Variants in CTNNA2 observed in about 807,000 individuals in gnomAD.
CTNNA2 encodes catenin alpha-2.
In CTNNA2, 42 loss-of-function variants were observed where a neutral mutation model predicts 101.0. That is an observed-to-expected ratio of 0.42 (90% CI 0.32 to 0.54). CTNNA2 has a LOEUF of 0.54. Ranked by LOEUF, CTNNA2 falls within the 20% of genes least tolerant of loss-of-function variation. CTNNA2 has a pLI of 0.14. For synonymous variants in CTNNA2, 450 were observed against 456.4 expected, an observed-to-expected ratio of 0.99 and a Z score of 0.18; for missense variants, 871 against 1,223.1, an observed-to-expected ratio of 0.71 and a Z score of 4.29.
chr2:80,178,724 A>G (rs192603776), intron 7 of CTNNA2, among the ~76,000 whole-genome samples: 2 of 152,236 alleles, frequency 1.3e-5, no homozygotes, highest in Non-Finnish European at 2.9e-5. Flanking sequence ...AAATAGACCC[A>G]CTTAGCATTG....
At chr2:79,864,503 T>G (rs1681875317) in intron 4 of CTNNA2, among the ~76,000 whole-genome samples, 1 of 152,134 alleles carries the variant, frequency 6.6e-6, no homozygotes, top group Non-Finnish European at 1.5e-5. Flanking sequence ...TTGATTCAGA[T>G]TAGTGATTTA....
chr2:80,509,838 TG>T, intron 9 of CTNNA2, among the ~76,000 whole-genome samples: 1 of 152,180 alleles, frequency 6.6e-6, no homozygotes, highest in East Asian at 1.9e-4. Context: ...GCAGGGCTCC[TG>T]TCCTCAGATC....
At chr2:80,408,693 G>A (rs984544000) in intron 8 of CTNNA2, among the ~76,000 whole-genome samples, 1 of 152,172 alleles carries the variant, frequency 6.6e-6, no homozygotes, top group African/African-American at 2.4e-5. Flanking sequence ...GCAAGCAATG[G>A]TGGTTGGGAC....
chr2:80,272,948 C>A (rs1488031694), intron 7 of CTNNA2, among the ~76,000 whole-genome samples: 2 of 151,978 alleles, frequency 1.3e-5, no homozygotes, highest in Non-Finnish European at 2.9e-5. Context: ...TCTTTGATCC[C>A]CCAAATGAAT....
intron 1 of CTNNA2, among the ~76,000 whole-genome samples, chr2:79,630,514 A>C (rs954367439): frequency 4.6e-5 from 7 of 152,244 alleles, no homozygotes; most frequent in Admixed American, 1.3e-4. Context: ...TTAAAACAGT[A>C]TGTACACTGG....
At chr2:79,413,350 C>T (rs1334933637) in intron 4 of CTNNA2, among the ~76,000 whole-genome samples, 2 of 151,740 alleles carry the variant, frequency 1.3e-5, no homozygotes, top group Non-Finnish European at 2.9e-5. Flanking sequence ...ATGTAATGTC[C>T]TCTAGCTTCA....
intron 2 of CTNNA2, among the ~76,000 whole-genome samples, chr2:79,679,393 A>G (rs778807946): frequency 3.3e-5 from 5 of 152,056 alleles, no homozygotes; most frequent in Non-Finnish European, 7.4e-5. Context: ...TCCCCACTCC[A>G]CTGCCTCTTA....
intron 4 of CTNNA2, among the ~76,000 whole-genome samples, chr2:79,487,822 C>T (rs1383179211): frequency 6.6e-6 from 1 of 152,042 alleles, no homozygotes; most frequent in Non-Finnish European, 1.5e-5. Context: ...TTTAAGCCAC[C>T]ATGTTTTGGG....
chr2:79,376,057 G>A (rs1363201708), intron 4 of CTNNA2, among the ~76,000 whole-genome samples: 1 of 152,164 alleles, frequency 6.6e-6, no homozygotes, highest in Non-Finnish European at 1.5e-5. Flanking sequence ...AGTCATAAGG[G>A]ATAGTCAAGG....
intron 2 of CTNNA2, among the ~76,000 whole-genome samples, chr2:79,709,880 C>T (rs1477623845): frequency 6.6e-6 from 1 of 151,998 alleles, no homozygotes; most frequent in East Asian, 1.9e-4. Context: ...GGGACAATAA[C>T]AGAGACATTA....
intron 4 of CTNNA2, among the ~76,000 whole-genome samples, chr2:79,377,895 T>C (rs947758320): frequency 2.0e-5 from 3 of 152,176 alleles, no homozygotes; most frequent in Non-Finnish European, 2.9e-5. Flanking sequence ...CCTTAGTCTC[T>C]GACCTAGGAG....
rs573759468 is a variant in CTNNA2 at position 80,060,898 on chromosome 2, T to C, written c.1056+151101T>C. On this transcript the variant is annotated intron_variant, in intron 7 of 18. Coordinates refer to ENST00000402739, the MANE Select transcript of CTNNA2 (RefSeq NM_001282597.3). ...TGAAGGAAGCTGCTTTGCCCAGGGT[T>C]ATATGAACCCACATCCAGTGGCCAG... Among the ~76,000 whole-genome samples, 16 of 152,230 alleles carry C rather than the reference T, an allele frequency of 1.1e-4. No individual in the cohort carries two copies. In the South Asian group the frequency reaches 3.3e-3, roughly 32 times the overall value.
intron 4 of CTNNA2, among the ~76,000 whole-genome samples, chr2:79,394,589 T>C (rs1678209892): frequency 6.6e-6 from 1 of 152,150 alleles, no homozygotes; most frequent in Non-Finnish European, 1.5e-5. Flanking sequence ...AAGATCAAAA[T>C]ACCCTCTGCC....
intron 7 of CTNNA2, among the ~76,000 whole-genome samples, chr2:80,013,394 T>C (rs1321578205): frequency 1.3e-5 from 2 of 152,208 alleles, no homozygotes; most frequent in African/African-American, 4.8e-5. Flanking sequence ...GGAGTTATAC[T>C]GCAAAACTGC....
intron 18 of CTNNA2, among the ~76,000 whole-genome samples, chr2:80,623,265 C>T (rs981604249): frequency 1.3e-5 from 2 of 151,640 alleles, no homozygotes; most frequent in Non-Finnish European, 2.9e-5. Flanking sequence ...ATAGAATTAG[C>T]ATGGAAAACA....
intron 3 of CTNNA2, among the ~76,000 whole-genome samples, chr2:79,812,090 T>C (rs1677086650): frequency 6.6e-6 from 1 of 152,242 alleles, no homozygotes; most frequent in Non-Finnish European, 1.5e-5. Flanking sequence ...ATTGACCTTA[T>C]ATCCTGTGAC....
chr2:79,764,923 G>A (rs1040024819), intron 3 of CTNNA2, among the ~76,000 whole-genome samples: 10 of 152,152 alleles, frequency 6.6e-5, no homozygotes, highest in African/African-American at 2.4e-4. Flanking sequence ...CAAAACTTGA[G>A]CTGACAACCG....
Position 80,606,410 on chromosome 2 carries a change from A to ACACACC in CTNNA2, c.2296-1771_2296-1770insACCCAC, listed in dbSNP as rs1553407253. Among the ~76,000 whole-genome samples the ACACACC allele has an allele frequency of 7.8e-4, 47 of 60,384 alleles. 1 individual carries two copies. The highest frequency in any genetic ancestry group is 1.8e-3 in the Admixed American group (10 of 5,526). 39.6% of individuals were successfully genotyped at this position (60,384 alleles called of 152,430 possible). A position where few individuals can be genotyped will look rare whatever the true frequency, so the allele number is the denominator to read the frequency against. On this transcript the variant is annotated intron_variant, in intron 16 of 18. Transcript: ENST00000402739. Reference sequence around the variant, plus strand: ...CACACACACACACACACACACACACACACCCCCCAGGATACATTTATTTTG... The same window carrying ACACACC: ...CACACACACACACACACACACACACACACACCCACCCCCCAGGATACATTTATTTTG...
intron 7 of CTNNA2, among the ~76,000 whole-genome samples, chr2:80,297,403 A>G (rs1185949446): frequency 6.6e-6 from 1 of 152,198 alleles, no homozygotes; most frequent in Non-Finnish European, 1.5e-5. Context: ...TAAGGTTGCT[A>G]GCACCTCCCT....
Sources: gnomAD v4.1 joint callset for allele counts (sites outside exome capture counted in the v4.1 genomes callset) on GRCh38, gnomAD v4.1.1 for gene constraint, MANE v1.5 for transcripts, NCBI Gene and HGNC (gene_info 2026-07-23, HGNC 2026-07-21) for gene names.